The following SPOCK3 variants were observed in gnomAD, a reference collection of about 807,000 sequenced individuals.
SPOCK3 encodes the protein testican-3.
SPOCK3 carries 30 observed loss-of-function variants against 56.6 expected under a neutral mutation model. That is an observed-to-expected ratio of 0.53 (90% CI 0.40 to 0.72). The LOEUF (loss-of-function observed/expected upper bound fraction) is 0.72. Among genes scored for constraint, SPOCK3 ranks in the 30% least tolerant of loss-of-function variants. The pLI is 0.00. For synonymous variants in SPOCK3, 196 were observed against 183.3 expected (o/e 1.07, Z -0.56); for missense variants, 527 against 530.0 (o/e 0.99, Z 0.06).
intron 2 of SPOCK3, among the ~76,000 whole-genome samples, chr4:167,161,277 A>G (rs1315973211): frequency 1.3e-5 from 2 of 152,184 alleles, no homozygotes; most frequent in Non-Finnish European, 2.9e-5. Context: ...CAGCCAAAAG[A>G]CACATGAGAA....
At chr4:167,172,780 A>G (rs190130482) in intron 2 of SPOCK3, among the ~76,000 whole-genome samples, 4 of 152,214 alleles carry the variant, frequency 2.6e-5, no homozygotes, top group Admixed American at 2.6e-4. Context: ...ATATGTGTTT[A>G]TGTATATATG....
chr4:166,905,993 T>C (rs1736564742), intron 5 of SPOCK3, among the ~76,000 whole-genome samples: 1 of 152,000 alleles, frequency 6.6e-6, no homozygotes, highest in African/African-American at 2.4e-5. Flanking sequence ...AGTGTGTGGA[T>C]TTGAAGATTC....
intron 2 of SPOCK3, among the ~76,000 whole-genome samples, chr4:167,203,867 T>C (rs556809011): frequency 6.6e-6 from 1 of 152,126 alleles, no homozygotes; most frequent in South Asian, 2.1e-4. Context: ...GCTGGAAATA[T>C]TCTAAATGAT....
intron 2 of SPOCK3, among the ~76,000 whole-genome samples, chr4:167,085,437 T>G (rs1247264448): frequency 6.6e-6 from 1 of 152,152 alleles, no homozygotes; most frequent in Non-Finnish European, 1.5e-5. Context: ...TCAATGTTCT[T>G]TCCATGACCA....
intron 2 of SPOCK3, among the ~76,000 whole-genome samples, chr4:167,136,878 A>T (rs1763162977): frequency 1.3e-5 from 2 of 152,004 alleles, no homozygotes; most frequent in Admixed American, 1.3e-4. Context: ...TTAATGTTAG[A>T]TTTCCAGTGC....
chr4:166,911,646 T>C (rs1369855987), intron 5 of SPOCK3, among the ~76,000 whole-genome samples: 2 of 152,162 alleles, frequency 1.3e-5, no homozygotes, highest in Non-Finnish European at 1.5e-5. Flanking sequence ...CAAGTCATTC[T>C]TCTGCCTCAG....
At chr4:166,842,977 G>C (rs1217286119) in intron 6 of SPOCK3, among the ~76,000 whole-genome samples, 1 of 152,234 alleles carries the variant, frequency 6.6e-6, no homozygotes, top group East Asian at 1.9e-4. Flanking sequence ...CCCGCGGGGA[G>C]GCAGCTGAGG....
chr4:166,856,893 G>A (rs754218995), intron 6 of SPOCK3, among the ~76,000 whole-genome samples: 26 of 151,814 alleles, frequency 1.7e-4, no homozygotes, highest in Non-Finnish European at 3.7e-4. Context: ...CCCATTAGTA[G>A]GTCAATAAAA....
At chr4:166,934,780 T>A (rs548324481) in intron 4 of SPOCK3, among the ~76,000 whole-genome samples, 83 of 152,308 alleles carry the variant, frequency 5.4e-4, no homozygotes, top group African/African-American at 1.9e-3. Context: ...GATGAAATGC[T>A]TCCTGCTCCA....
At chr4:166,741,100 A>G (rs770226453) in intron 9 of SPOCK3, among the ~76,000 whole-genome samples, 4 of 152,200 alleles carry the variant, frequency 2.6e-5, no homozygotes, top group Non-Finnish European at 5.9e-5. Context: ...GAGACATTAG[A>G]GTTATGTGCC....
chr4:167,036,622 C>T (rs1313542663), intron 3 of SPOCK3, among the ~76,000 whole-genome samples: 3 of 152,032 alleles, frequency 2.0e-5, no homozygotes, highest in African/African-American at 4.8e-5. Flanking sequence ...AATTTTTTAA[C>T]GGAATAGTCT....
chr4:166,997,111 G>C (rs570705819), intron 4 of SPOCK3, among the ~76,000 whole-genome samples: 2 of 151,850 alleles, frequency 1.3e-5, no homozygotes, highest in African/African-American at 4.8e-5. Context: ...GCTGAACGAT[G>C]AGAACACATT....
intron 2 of SPOCK3, among the ~76,000 whole-genome samples, chr4:167,196,050 G>A (rs1343685455): frequency 2.0e-5 from 3 of 152,012 alleles, no homozygotes; most frequent in Non-Finnish European, 4.4e-5. Flanking sequence ...CTTTTGTAAT[G>A]CATTTATATC....
intron 2 of SPOCK3, among the ~76,000 whole-genome samples, chr4:167,203,563 A>T (rs1368078712): frequency 1.3e-5 from 2 of 151,822 alleles, no homozygotes; most frequent in Non-Finnish European, 2.9e-5. Flanking sequence ...GATTAAAAAA[A>T]AAAAAAGACA....
rs150163587 is a variant in SPOCK3 at position 167,155,893 on chromosome 4, C to A, written c.189+78092G>T. 1.7e-3 allele frequency among the ~76,000 whole-genome samples: 262 copies of A among 152,124 alleles called. 1 individual carries two copies. Among genetic ancestry groups the A allele is most frequent in the African/African-American group, 5.9e-3 (246 of 41,502 alleles). On this transcript the variant is annotated intron_variant, in intron 2 of 10. Coordinates refer to ENST00000357545, the MANE Select transcript of SPOCK3 (RefSeq NM_001040159.2). ...CATGCAGAGCTTGAAACTCAGATGA[C>A]AAGTTGATAGGTGCAGCAAACCACC...
At chr4:167,134,678 A>G (rs1762972096) in intron 2 of SPOCK3, among the ~76,000 whole-genome samples, 2 of 152,182 alleles carry the variant, frequency 1.3e-5, no homozygotes, top group South Asian at 4.1e-4. Context: ...GAAGGTTATC[A>G]AAAGTATTCA....
intron 2 of SPOCK3, among the ~76,000 whole-genome samples, chr4:167,121,524 T>C (rs1761865240): frequency 6.6e-6 from 1 of 151,260 alleles, no homozygotes; most frequent in African/African-American, 2.4e-5. Context: ...ACCTCGGAGC[T>C]AAATCAAGTG....
At chr4:166,752,571 TATACACAC>T (rs1469635072) in intron 8 of SPOCK3, among the ~76,000 whole-genome samples, 849 of 13,216 alleles carry the variant, frequency 0.064, 8 homozygotes, top group African/African-American at 0.18. Context: ...TATATATATA[TATACACAC>T]ACACACACAC....
rs554177496 is a variant in SPOCK3, at chr4:167,000,409, A to G, written c.290T>C (p.Val97Ala). 1.0e-4 allele frequency: 163 copies of G among 1,609,242 alleles called. 3 individuals are homozygous for G. The South Asian group carries it at 1.7e-3, about 17-fold the overall frequency. ...AGTCTGAGAATCTTGAGCAATGCAT[A>G]CTTTATGGCGACTACATTTCATCTT... ...CLKMKCSRHKVCIAQDSQTAV... is the reference protein window; with the variant it reads ...CLKMKCSRHKACIAQDSQTAV... Residue 97 changes from valine to alanine, a missense_variant, in exon 4 of 11, where the codon GTA becomes GCA. Physicochemically the swap from Val to Ala is moderately conservative, Grantham distance 64. Transcript: ENST00000357545.
Sources: allele counts gnomAD v4.1 joint callset (sites outside exome capture counted in the v4.1 genomes callset), GRCh38; gene constraint gnomAD v4.1.1; transcripts MANE v1.5; gene names NCBI Gene and HGNC (gene_info 2026-07-23, HGNC 2026-07-21).